The following RGS7 variants were observed in gnomAD, a reference collection of about 807,000 sequenced individuals.
RGS7 encodes the protein regulator of G-protein signaling 7.
A neutral mutation model predicts 81.1 loss-of-function variants in RGS7; 27 were observed. The ratio of observed to expected loss-of-function variants is 0.33; its 90% CI spans 0.25 to 0.46. The LOEUF is 0.46. Among genes scored for constraint, RGS7 ranks in the 20% least tolerant of loss-of-function variants. The pLI is 1.00. For missense variants in RGS7, 396 were observed against 607.4 expected, an observed-to-expected ratio of 0.65 and a Z score of 3.66; for synonymous variants, 208 against 207.7, an observed-to-expected ratio of 1.00 and a Z score of -0.01.
At chr1:240,941,721 C>T (rs1311534146) in intron 4 of RGS7, among the ~76,000 whole-genome samples, 1 of 151,862 alleles carries the variant, frequency 6.6e-6, no homozygotes, top group Non-Finnish European at 1.5e-5. Flanking sequence ...TAGGGACAAA[C>T]ATGGTGCCAC....
intron 2 of RGS7, among the ~76,000 whole-genome samples, chr1:241,302,256 T>C (rs935077949): frequency 1.1e-4 from 17 of 151,978 alleles, no homozygotes; most frequent in African/African-American, 3.9e-4. Context: ...TCTTAAAACT[T>C]TGGCTTCGGC....
intron 4 of RGS7, among the ~76,000 whole-genome samples, chr1:240,977,090 G>GTA (rs1684226528): frequency 1.0e-5 from 1 of 99,630 alleles, no homozygotes; most frequent in South Asian, 3.3e-4. Context: ...CTATCCATCT[G>GTA]TACACACACA....
At chr1:240,982,651 C>T (rs987013643) in intron 4 of RGS7, among the ~76,000 whole-genome samples, 9 of 151,896 alleles carry the variant, frequency 5.9e-5, no homozygotes, top group African/African-American at 2.2e-4. Context: ...GAAAAAAAAT[C>T]AGAATTACAA....
chr1:241,042,607 C>A (rs1198282895), intron 3 of RGS7, among the ~76,000 whole-genome samples: 1 of 152,092 alleles, frequency 6.6e-6, no homozygotes, highest in Non-Finnish European at 1.5e-5. Context: ...CTCTCATCTT[C>A]ATTTTATTGG....
chr1:240,980,822 T>C (rs1236207195), intron 4 of RGS7, among the ~76,000 whole-genome samples: 1 of 152,110 alleles, frequency 6.6e-6, no homozygotes, highest in African/African-American at 2.4e-5. Context: ...AACCAACAAA[T>C]CAGAAACTAA....
chr1:240,949,226 G>C (rs1679149391), intron 4 of RGS7, among the ~76,000 whole-genome samples: 1 of 151,724 alleles, frequency 6.6e-6, no homozygotes, highest in Non-Finnish European at 1.5e-5. Context: ...TGTTTCCTAG[G>C]CTTATCTTAT....
intron 6 of RGS7, among the ~76,000 whole-genome samples, chr1:240,899,335 C>T (rs747005995): frequency 7.9e-5 from 12 of 152,016 alleles, no homozygotes; most frequent in Non-Finnish European, 1.3e-4. Flanking sequence ...TTATGATGTT[C>T]GATGGTTATT....
chr1:241,005,435 CA>C (rs113483536), intron 3 of RGS7, among the ~76,000 whole-genome samples: 9 of 151,050 alleles, frequency 6.0e-5, no homozygotes, highest in East Asian at 5.8e-4. Context: ...CATGCCCTGA[CA>C]AAAAAAAACT....
At chr1:241,181,760 A>G (rs1299180558) in intron 2 of RGS7, among the ~76,000 whole-genome samples, 1 of 152,148 alleles carries the variant, frequency 6.6e-6, no homozygotes, top group African/African-American at 2.4e-5. Flanking sequence ...GTGCAGTGGC[A>G]TGATTATGAC....
intron 2 of RGS7, among the ~76,000 whole-genome samples, chr1:241,263,254 G>A (rs2077426299): frequency 6.6e-6 from 1 of 152,028 alleles, no homozygotes; most frequent in Non-Finnish European, 1.5e-5. Context: ...CCCAGCCTGG[G>A]TGACAGAGCC....
intron 2 of RGS7, among the ~76,000 whole-genome samples, chr1:241,192,200 GTGTGTGTT>G (rs1178314897): frequency 6.5e-5 from 9 of 139,228 alleles, no homozygotes; most frequent in African/African-American, 2.4e-4. Context: ...GTGTGTGTGT[GTGTGTGTT>G]TTGCTTTGAT....
intron 14 of RGS7, among the ~76,000 whole-genome samples, chr1:240,810,179 C>A (rs1336559543): frequency 6.6e-6 from 1 of 152,138 alleles, no homozygotes; most frequent in African/African-American, 2.4e-5. Context: ...TCCCTCTCTG[C>A]TTCTCCCAAC....
intron 2 of RGS7, among the ~76,000 whole-genome samples, chr1:241,216,811 T>C (rs973226123): frequency 6.6e-6 from 1 of 152,208 alleles, no homozygotes; most frequent in Non-Finnish European, 1.5e-5. Context: ...AACTTGGAAC[T>C]GGTATGGCCA....
intron 2 of RGS7, among the ~76,000 whole-genome samples, chr1:241,327,116 AAG>A (rs2081612839): frequency 2.7e-5 from 3 of 110,914 alleles, no homozygotes; most frequent in Non-Finnish European, 6.0e-5. Flanking sequence ...GAAAGAAAGA[AAG>A]AAAGAAAGAA....
At chr1:240,914,922 G>T (rs916323621) in intron 6 of RGS7, among the ~76,000 whole-genome samples, 2 of 152,208 alleles carry the variant, frequency 1.3e-5, no homozygotes, top group Non-Finnish European at 2.9e-5. Context: ...CATTGGGATA[G>T]AAAAACTTAA....
At chr1:241,049,433 G>C (rs1022546121) in intron 3 of RGS7, among the ~76,000 whole-genome samples, 8 of 152,170 alleles carry the variant, frequency 5.3e-5, no homozygotes, top group Admixed American at 5.2e-4. Flanking sequence ...TACATTTAAA[G>C]ATGAAAAGAA....
chr1:241,112,364 A>G (rs1260018304), intron 2 of RGS7, among the ~76,000 whole-genome samples: 1 of 152,168 alleles, frequency 6.6e-6, no homozygotes, highest in Non-Finnish European at 1.5e-5. Flanking sequence ...CACCGTATAT[A>G]TGATAGTGCT....
At chr1:240,981,375 G>A (rs1684892808) in intron 4 of RGS7, among the ~76,000 whole-genome samples, 1 of 152,160 alleles carries the variant, frequency 6.6e-6, no homozygotes, top group Non-Finnish European at 1.5e-5. Flanking sequence ...CTCCCAAAGT[G>A]CTGGGATTAT....
At chr1:240,998,869 T>C (rs1687711402) in intron 3 of RGS7, 1 of 454,166 alleles carries the variant, frequency 2.2e-6, no homozygotes, top group Admixed American at 3.1e-5. Context: ...GAGGAAAGGT[T>C]CTTCAAGCAC....
Sources: gnomAD v4.1 joint callset for allele counts (sites outside exome capture counted in the v4.1 genomes callset) on GRCh38, gnomAD v4.1.1 for gene constraint, MANE v1.5 for transcripts, NCBI Gene and HGNC (gene_info 2026-07-23, HGNC 2026-07-21) for gene names.